Variants in CYRIA observed in about 807,000 individuals in gnomAD.
The protein encoded by CYRIA is CYFIP related Rac1 interactor A, also known as CYFIP-related Rac1 interactor A.
Under a neutral mutation model 43.9 loss-of-function variants are expected in CYRIA, and 15 were observed. That is an observed-to-expected ratio of 0.34 (90% CI 0.23 to 0.53). The LOEUF is 0.53. Among genes scored for constraint, CYRIA ranks in the 20% least tolerant of loss-of-function variants. CYRIA has a pLI of 0.94. For synonymous variants in CYRIA, 117 were observed against 136.0 expected, an observed-to-expected ratio of 0.86 and a Z score of 0.97; for missense variants, 236 against 394.2, an observed-to-expected ratio of 0.60 and a Z score of 3.40.
intron 1 of CYRIA, among the ~76,000 whole-genome samples, chr2:16,660,915 C>T (rs1670236059): frequency 6.6e-6 from 1 of 152,178 alleles, no homozygotes; most frequent in East Asian, 1.9e-4. Flanking sequence ...AAATGGGATT[C>T]TTAGGCCAGG....
At position 16,612,422 on chromosome 2, in the gene CYRIA, T is replaced by C. The variant is rs567457952; in HGVS notation, c.-11+11442A>G. ...GAAGGGAGGGGAGGAATAAAAATGG[T>C]TCCACCATGGTGACACTCATTTTAA... On this transcript the variant is annotated intron_variant, in intron 2 of 11. Transcript: ENST00000381323. 4.3e-4 allele frequency among the ~76,000 whole-genome samples: 65 copies of C among 152,130 alleles called. 1 individual carries two copies. The South Asian group carries it at 0.013, about 30-fold the overall frequency.
chr2:16,664,646 C>T (rs1452330887), intron 1 of CYRIA, among the ~76,000 whole-genome samples: 1 of 152,228 alleles, frequency 6.6e-6, no homozygotes, highest in African/African-American at 2.4e-5. Context: ...GCACAAGTCC[C>T]AGCCTTCCAG....
At chr2:16,610,268 C>T (rs1668546985) in intron 2 of CYRIA, among the ~76,000 whole-genome samples, 1 of 152,190 alleles carries the variant, frequency 6.6e-6, no homozygotes, top group Admixed American at 6.5e-5. Flanking sequence ...CTCAGTTAAT[C>T]ACCAGCAGAA....
Position 16,592,136 on chromosome 2 carries a change from G to C in CYRIA, c.-10-4007C>G, listed in dbSNP as rs543503636. Among the ~76,000 whole-genome samples the C allele has an allele frequency of 3.9e-5, 6 of 152,198 alleles. No individual in the cohort carries two copies. The East Asian group carries it at 9.7e-4, about 25-fold the overall frequency. On this transcript the variant is annotated intron_variant, in intron 2 of 11. Coordinates refer to ENST00000381323, the MANE Select transcript of CYRIA (RefSeq NM_030797.4). The stretch of plus-strand genomic sequence containing the variant: ...CAAAATCTAAAACTTTTTGAGCACT[G>C]ACATGACACTCAAAGGAAATACTCA...
At chr2:16,559,639 T>C (rs965797586) in intron 9 of CYRIA, 53 bp from the exon 10 acceptor site, 1 of 1,588,316 alleles carries the variant, frequency 6.3e-7, no homozygotes, top group Non-Finnish European at 8.6e-7. Context: ...ACATGTGCGT[T>C]CTTTGGCCCC....
rs947175791 is a variant in CYRIA at position 16,650,819 on chromosome 2, T to C, written c.-167+14961A>G. 6.6e-6 allele frequency among the ~76,000 whole-genome samples: 1 copy of C among 152,338 alleles called. No homozygotes were observed. Among genetic ancestry groups the C allele is most frequent in the South Asian group, 2.1e-4 (1 of 4,830 alleles). Reference sequence around the variant, plus strand: ...CCTTAAGGCAAGTCAAGGAGGAAGGTAGCAATTCAGGACAGAGGCTCACAG... The same window carrying C: ...CCTTAAGGCAAGTCAAGGAGGAAGGCAGCAATTCAGGACAGAGGCTCACAG... On this transcript the variant is annotated intron_variant, in intron 1 of 11. Transcript: ENST00000381323. This position sits in a 1 kb window ranked among gnomAD's most constrained non-coding sequence, Gnocchi z 4.1.
intron 1 of CYRIA, among the ~76,000 whole-genome samples, chr2:16,641,600 G>T (rs757706486): frequency 7.2e-5 from 11 of 152,116 alleles, no homozygotes; most frequent in African/African-American, 1.4e-4. Flanking sequence ...TTCTCCTTAG[G>T]CTGTAAGACA....
chr2:16,654,861 G>T (rs1670065810), intron 1 of CYRIA, among the ~76,000 whole-genome samples: 1 of 152,124 alleles, frequency 6.6e-6, no homozygotes, highest in South Asian at 2.1e-4. Flanking sequence ...TGACTGGACT[G>T]GGCAAGCTAT....
In CYRIA at chr2:16,560,995, T is replaced by C. The variant is rs1344327219; in HGVS notation, c.705A>G (p.Glu235=). ...TMTSVCKVML[E]TPEYRSRFTS... ...ACATCTCTGATTTAACTTACGGAGT[T>C]TCCAGCATGACTTTACAGACACTTG... Residue 235 remains glutamate, a synonymous_variant, in exon 9 of 12, where the codon GAA becomes GAG. Coordinates refer to ENST00000381323, the MANE Select transcript of CYRIA (RefSeq NM_030797.4). 2 of 1,613,540 alleles carry C rather than the reference T, an allele frequency of 1.2e-6. No homozygotes were observed. The highest frequency in any genetic ancestry group is 1.7e-6 in the Non-Finnish European group (2 of 1,179,654).
At chr2:16,602,002 T>G (rs146052285) in intron 2 of CYRIA, among the ~76,000 whole-genome samples, 16 of 152,340 alleles carry the variant, frequency 1.1e-4, no homozygotes, top group African/African-American at 3.8e-4. Flanking sequence ...TCAACCTTCA[T>G]GAGTAGATCA....
rs147901216 is a variant in CYRIA at position 16,552,498 on chromosome 2, A to T, written c.*438T>A. 6.5e-6 allele frequency: 1 copy of T among 154,320 alleles called. No homozygotes were observed. Among genetic ancestry groups the T allele is most frequent in the Non-Finnish European group, 1.4e-5 (1 of 69,600 alleles). The allele number at this position is 154,320 out of a possible 1,614,324, so 9.6% of individuals were successfully genotyped here. The stretch of plus-strand genomic sequence containing the variant: ...AATTCTCCACATGCATTTTTCTTGG[A>T]TTCCTCTCTTCCTCTGTCAAGATAA... On this transcript the variant is annotated 3_prime_UTR_variant, in exon 12 of 12. Coordinates refer to ENST00000381323, the MANE Select transcript of CYRIA (RefSeq NM_030797.4).
chr2:16,653,602 G>C (rs1442371616), intron 1 of CYRIA, among the ~76,000 whole-genome samples: 1 of 145,660 alleles, frequency 6.9e-6, no homozygotes, highest in African/African-American at 2.8e-5. Flanking sequence ...AGCTCCATGG[G>C]TTAGGGAGTT....
At chr2:16,631,082 A>G (rs1200835183) in intron 1 of CYRIA, among the ~76,000 whole-genome samples, 1 of 152,198 alleles carries the variant, frequency 6.6e-6, no homozygotes, top group Non-Finnish European at 1.5e-5. Flanking sequence ...GTCAGTCACT[A>G]CTGTCAGATC....
At chr2:16,607,409 A>G (rs1480435936) in intron 2 of CYRIA, among the ~76,000 whole-genome samples, 1 of 152,172 alleles carries the variant, frequency 6.6e-6, no homozygotes, top group Non-Finnish European at 1.5e-5. Flanking sequence ...GGTTAGCATA[A>G]ACGCCTGCTA....
intron 3 of CYRIA, among the ~76,000 whole-genome samples, chr2:16,577,962 G>C (rs373324331): frequency 6.6e-6 from 1 of 152,168 alleles, no homozygotes; most frequent in African/African-American, 2.4e-5. Flanking sequence ...GTGGTAGACA[G>C]AGCAGAAAAA....
intron 2 of CYRIA, among the ~76,000 whole-genome samples, chr2:16,602,834 A>C (rs1488870944): frequency 6.6e-6 from 1 of 152,184 alleles, no homozygotes; most frequent in Non-Finnish European, 1.5e-5. Context: ...AGACATGATG[A>C]ACTCAGAATG....
chr2:16,660,780 A>C (rs1244472381), intron 1 of CYRIA, among the ~76,000 whole-genome samples: 1 of 152,208 alleles, frequency 6.6e-6, no homozygotes, highest in Non-Finnish European at 1.5e-5. Context: ...AAATAAGCAG[A>C]CACCAGACTC....
In CYRIA at chr2:16,550,565, C is replaced by T. The variant is rs1666269537; in HGVS notation, c.*2371G>A. 6.6e-6 allele frequency: 1 copy of T among 152,112 alleles called. No individual in the cohort carries two copies. The highest frequency in any genetic ancestry group is 6.6e-5 in the Admixed American group (1 of 15,264). 9.4% of individuals were successfully genotyped at this position (152,112 alleles called of 1,614,324 possible). ...AAGACAAGTCTTGGCTAAATTGAGGCAGGACAGCAGCCCCTTCCATATGTT... is the reference window on the plus strand; with the variant it reads ...AAGACAAGTCTTGGCTAAATTGAGGTAGGACAGCAGCCCCTTCCATATGTT... On this transcript the variant is annotated 3_prime_UTR_variant, in exon 12 of 12. Coordinates refer to ENST00000381323, the MANE Select transcript of CYRIA (RefSeq NM_030797.4).
intron 2 of CYRIA, among the ~76,000 whole-genome samples, chr2:16,620,504 C>T (rs1050276183): frequency 1.3e-5 from 2 of 152,144 alleles, no homozygotes; most frequent in African/African-American, 2.4e-5. Context: ...GCCAAGGAAA[C>T]TATAATCTTA....
Sources: allele counts gnomAD v4.1 joint callset (sites outside exome capture counted in the v4.1 genomes callset), GRCh38; gene constraint gnomAD v4.1.1; non-coding constraint Gnocchi (gnomAD v3.1); transcripts MANE v1.5; gene names NCBI Gene and HGNC (gene_info 2026-07-23, HGNC 2026-07-21).